NCKAP5: variants seen among roughly 807,000 people sequenced by gnomAD.
The protein encoded by NCKAP5 is nck-associated protein 5.
NCKAP5 carries 92 observed loss-of-function variants against 167.0 expected under a neutral mutation model. The observed-to-expected ratio is 0.55, with a 90% CI of 0.47 to 0.66. The LOEUF (loss-of-function observed/expected upper bound fraction) is 0.66, where lower values mean the gene tolerates loss of function less well. Ranked by LOEUF, NCKAP5 falls within the 30% of genes least tolerant of loss-of-function variation. The pLI is 0.00. For synonymous variants in NCKAP5, 891 were observed against 877.4 expected (o/e 1.02, Z -0.27); for missense variants, 2,378 against 2,315.0 (o/e 1.03, Z -0.56).
chr2:132,809,856 C>A (rs1273006856), intron 11 of NCKAP5, among the ~76,000 whole-genome samples: 12 of 151,868 alleles, frequency 7.9e-5, no homozygotes, highest in Non-Finnish European at 1.2e-4. Flanking sequence ...TGCTTTTTAA[C>A]TTGTATTTTT....
chr2:133,190,378 C>T (rs1252557123), intron 5 of NCKAP5, among the ~76,000 whole-genome samples: 2 of 152,074 alleles, frequency 1.3e-5, no homozygotes, highest in African/African-American at 2.4e-5. Flanking sequence ...CAATGCCATC[C>T]CCATCAAGCT....
At chr2:133,204,094 C>A (rs1408044450) in intron 5 of NCKAP5, among the ~76,000 whole-genome samples, 1 of 152,206 alleles carries the variant, frequency 6.6e-6, no homozygotes, top group African/African-American at 2.4e-5. Flanking sequence ...TCACTAACCC[C>A]AGATCATAAA....
intron 5 of NCKAP5, among the ~76,000 whole-genome samples, chr2:133,175,700 C>G (rs531670781): frequency 2.6e-5 from 4 of 152,292 alleles, no homozygotes; most frequent in African/African-American, 7.2e-5. Context: ...AATCCTATCT[C>G]TTCTGTTCCA....
At chr2:133,264,403 G>A (rs2089075277) in intron 4 of NCKAP5, among the ~76,000 whole-genome samples, 1 of 152,184 alleles carries the variant, frequency 6.6e-6, no homozygotes, top group Non-Finnish European at 1.5e-5. Context: ...GTAGTGTGCT[G>A]TTATCACATT....
chr2:133,499,750 G>T (rs1279010532), intron 3 of NCKAP5, among the ~76,000 whole-genome samples: 2 of 152,076 alleles, frequency 1.3e-5, no homozygotes, highest in Non-Finnish European at 2.9e-5. Flanking sequence ...AGTAGAGACG[G>T]GGTTTCACCA....
intron 8 of NCKAP5, among the ~76,000 whole-genome samples, chr2:132,941,259 C>G (rs1697274101): frequency 6.6e-6 from 1 of 152,216 alleles, no homozygotes; most frequent in Admixed American, 6.5e-5. Context: ...TACTGGACCT[C>G]TGCTGTTTGT....
chr2:132,956,691 TCTCCACATGTTTTC>T (rs1182911692), intron 8 of NCKAP5, among the ~76,000 whole-genome samples: 19 of 152,142 alleles, frequency 1.2e-4, no homozygotes, highest in Non-Finnish European at 1.0e-4. Context: ...TCTATACATG[TCTCCACATGTTTTC>T]CTCCACGCCC....
At chr2:133,177,451 A>T (rs1242853866) in intron 5 of NCKAP5, among the ~76,000 whole-genome samples, 2 of 151,970 alleles carry the variant, frequency 1.3e-5, no homozygotes, top group Admixed American at 6.6e-5. Context: ...TTCATGTGCA[A>T]CCCCGCACAG....
At chr2:132,721,884 G>A (rs1319419129) in intron 19 of NCKAP5, among the ~76,000 whole-genome samples, 2 of 152,320 alleles carry the variant, frequency 1.3e-5, no homozygotes, top group African/African-American at 2.4e-5. Flanking sequence ...CTTGCTGTTT[G>A]TGCTGCTTCT....
Position 133,519,173 on chromosome 2 carries a change from C to T in NCKAP5, c.-61-1586G>A, listed in dbSNP as rs1039930387. On this transcript the variant is annotated intron_variant, in intron 2 of 19. Transcript: ENST00000409261. ...GGGGAATGCCCAAACTATAGTCAAT[C>T]ATGAGAAACTGATGGGCTCATATTC... is the stretch of plus-strand genomic sequence containing the variant. Among the ~76,000 whole-genome samples the T allele has an allele frequency of 3.3e-5, 5 of 152,282 alleles. No individual in the cohort carries two copies. In the South Asian group the frequency reaches 8.3e-4, roughly 25 times the overall value.
chr2:133,500,243 G>A (rs1682381176), intron 3 of NCKAP5, among the ~76,000 whole-genome samples: 1 of 152,166 alleles, frequency 6.6e-6, no homozygotes, highest in South Asian at 2.1e-4. Flanking sequence ...TTGAAAAGAT[G>A]CATGCTCCGC....
chr2:133,663,259 C>T, the NCKAP5 span, among the ~76,000 whole-genome samples: 1,965 of 132,544 alleles, frequency 0.015, 43 homozygotes, highest in African/African-American at 0.055. Flanking sequence ...GGCGGCAGAG[C>T]GAGACTCCGT....
intron 5 of NCKAP5, among the ~76,000 whole-genome samples, chr2:133,185,881 G>A (rs1004906207): frequency 2.0e-5 from 3 of 151,934 alleles, no homozygotes; most frequent in African/African-American, 7.2e-5. Flanking sequence ...GGGCTTTCTA[G>A]GTATAGAACC....
chr2:133,538,656 T>C (rs1437571277), intron 2 of NCKAP5, among the ~76,000 whole-genome samples: 1 of 152,082 alleles, frequency 6.6e-6, no homozygotes, highest in Non-Finnish European at 1.5e-5. Context: ...ACATCAAGTA[T>C]ACATCAGGCA....
Position 133,063,451 on chromosome 2 carries a change from A to G in NCKAP5, c.341+66527T>C, listed in dbSNP as rs899782202. 3.9e-5 allele frequency among the ~76,000 whole-genome samples: 6 copies of G among 152,158 alleles called. No individual in the cohort carries two copies. In the East Asian group the frequency reaches 1.2e-3, roughly 29 times the overall value. The stretch of plus-strand genomic sequence containing the variant: ...CAGCTTCTCTTTTTCTGGTAGGAAG[A>G]GTTCACACAGCTTACCAAGGAGGGC... On this transcript the variant is annotated intron_variant, in intron 6 of 19. Transcript: ENST00000409261.
intron 8 of NCKAP5, among the ~76,000 whole-genome samples, chr2:132,898,132 T>A (rs547850153): frequency 6.6e-6 from 1 of 152,246 alleles, no homozygotes; most frequent in Non-Finnish European, 1.5e-5. Context: ...ACTAAGTTTA[T>A]GTAATATGCT....
At chr2:133,047,812 A>T (rs1461718086) in intron 6 of NCKAP5, among the ~76,000 whole-genome samples, 2 of 152,212 alleles carry the variant, frequency 1.3e-5, no homozygotes, top group East Asian at 3.8e-4. Flanking sequence ...ATTCTGATTA[A>T]CCAGTAATCA....
At chr2:133,647,372 A>AAAGG in the NCKAP5 span, among the ~76,000 whole-genome samples, 2,115 of 78,182 alleles carry the variant, frequency 0.027, 203 homozygotes, top group African/African-American at 0.11. Context: ...AGGAAGGAAG[A>AAAGG]AAGAAAGGAA....
intron 3 of NCKAP5, among the ~76,000 whole-genome samples, chr2:133,429,361 T>C (rs79523210): frequency 0.014 from 2,128 of 152,164 alleles, 46 homozygotes; most frequent in African/African-American, 0.048. Flanking sequence ...CAAGGGTATA[T>C]TGTGTGGTGC....
Sources: gnomAD v4.1 joint callset for allele counts (sites outside exome capture counted in the v4.1 genomes callset) on GRCh38, gnomAD v4.1.1 for gene constraint, MANE v1.5 for transcripts, NCBI Gene and HGNC (gene_info 2026-07-23, HGNC 2026-07-21) for gene names.